Variants in ZNF324 observed in about 807,000 individuals in gnomAD.
ZNF324 encodes zinc finger protein 324A.
ZNF324 carries 3 observed loss-of-function variants against 10.3 expected under a neutral mutation model. The ratio of observed to expected loss-of-function variants is 0.29; its 90% CI spans 0.13 to 0.75. ZNF324 has a LOEUF of 0.75. Ranked by LOEUF, ZNF324 falls within the 30% of genes least tolerant of loss-of-function variation. The pLI is 0.69. For missense variants in ZNF324, 763 were observed against 784.4 expected (o/e 0.97, Z 0.33); for synonymous variants, 430 against 339.5 (o/e 1.27, Z -2.93).
intron 1 of ZNF324, among the ~76,000 whole-genome samples, chr19:58,468,793 A>AG (rs2053003245): frequency 6.6e-6 from 1 of 151,826 alleles, no homozygotes. Flanking sequence ...GGCAGAGGGG[A>AG]GGGGTCCCAG....
rs1466246481 is a variant in ZNF324 at position 58,471,209 on chromosome 19, G to A, written c.717G>A (p.Glu239=). 9.3e-6 allele frequency: 15 copies of A among 1,613,594 alleles called. No individual in the cohort carries two copies. Among genetic ancestry groups the A allele is most frequent in the African/African-American group, 6.7e-5 (5 of 74,924 alleles). The change falls in exon 4 of 4, where the codon GAG becomes GAA. Residue 239 remains glutamate, a synonymous_variant. Transcript: ENST00000196482. The stretch of plus-strand genomic sequence containing the variant: ...CTCATAGACTCCTCGGTGGCCAGGA[G>A]CCCTCGACCTGGGACGAGCTGGGCG... ...QEPHRLLGGQ[E]PSTWDELGEA...
At position 58,471,547 on chromosome 19, in the gene ZNF324, A is replaced by G; in HGVS notation, c.1055A>G (p.His352Arg). ...RCSECGKAFS[H>R]GSNLSQHRKI... ...TCCGAGTGCGGCAAGGCCTTCAGCC[A>G]CGGCTCCAACCTCAGCCAGCACCGC... The change falls in exon 4 of 4, where the codon CAC becomes CGC. Residue 352 changes from histidine to arginine, a missense_variant. Physicochemically the swap from His to Arg is conservative, Grantham distance 29. Coordinates refer to ENST00000196482, the MANE Select transcript of ZNF324 (RefSeq NM_014347.3). 6.3e-7 allele frequency: 1 copy of G among 1,580,406 alleles called. No individual in the cohort carries two copies. The highest frequency in any genetic ancestry group is 8.6e-7 in the Non-Finnish European group (1 of 1,161,182).
rs775416305 is a variant in ZNF324, at chr19:58,471,230, G to A, written c.738G>A (p.Leu246=). 2.5e-6 allele frequency: 4 copies of A among 1,613,542 alleles called. No homozygotes were observed. Among genetic ancestry groups the A allele is most frequent in the Non-Finnish European group, 3.4e-6 (4 of 1,179,962 alleles). The change falls in exon 4 of 4, where the codon CTG becomes CTA. Residue 246 remains leucine (L), a synonymous_variant. Coordinates refer to ENST00000196482, the MANE Select transcript of ZNF324 (RefSeq NM_014347.3). ...AGGAGCCCTCGACCTGGGACGAGCTGGGCGAGGCTCTTCACGCTGGGGAGA... is the reference window on the plus strand; with the variant it reads ...AGGAGCCCTCGACCTGGGACGAGCTAGGCGAGGCTCTTCACGCTGGGGAGA... ...GGQEPSTWDE[L]GEALHAGEKS...
intron 3 of ZNF324, among the ~76,000 whole-genome samples, chr19:58,470,280 T>C (rs1377861017): frequency 6.6e-6 from 1 of 151,074 alleles, no homozygotes; most frequent in Non-Finnish European, 1.5e-5. Context: ...GGGCTCATGG[T>C]GTGGTGGGAG....
chr19:58,469,085 C>G (rs1410133957), intron 1 of ZNF324, 95 bp from the exon 2 acceptor site: 1 of 1,514,530 alleles, frequency 6.6e-7, no homozygotes, highest in Non-Finnish European at 9.1e-7. Context: ...ATGTGTTGCC[C>G]AAGACAATTC....
intron 1 of ZNF324, 96 bp from the exon 2 acceptor site, chr19:58,469,084 C>T: frequency 6.6e-7 from 1 of 1,505,248 alleles, no homozygotes; most frequent in South Asian, 1.1e-5. Context: ...TATGTGTTGC[C>T]CAAGACAATT....
Position 58,472,014 on chromosome 19 carries a change from ACCGT to A in ZNF324, c.1526_1529del (p.Val509GlyfsTer55). On this transcript the variant is annotated frameshift_variant, in exon 4 of 4. Transcript: ENST00000196482. LOFTEE classifies it low-confidence loss of function (END_TRUNC). ...CCAGAGGATCCATACCGGCGAGAAG[ACCGT>A]CCGGCGATCCAGGGCCAGCCTGCAC... is the stretch of plus-strand genomic sequence containing the variant. The A allele has an allele frequency of 6.2e-7, 1 of 1,607,514 alleles. No homozygotes were observed. The highest frequency in any genetic ancestry group is 8.5e-7 in the Non-Finnish European group (1 of 1,179,706).
chr19:58,468,847 C>T (rs1476523319), intron 1 of ZNF324, among the ~76,000 whole-genome samples: 1 of 152,000 alleles, frequency 6.6e-6, no homozygotes, highest in African/African-American at 2.4e-5. Flanking sequence ...GGGCAGAACC[C>T]AGGGAAGGAG....
chr19:58,474,162 G>A lies in ZNF324; in HGVS notation c.*2008G>A, dbSNP rs1173873350. The A allele has an allele frequency of 2.0e-5, 3 of 152,358 alleles. No individual in the cohort carries two copies. The highest frequency in any genetic ancestry group is 3.9e-4 in the East Asian group (2 of 5,180). The allele number at this position is 152,358 out of a possible 1,614,324, so 9.4% of individuals were successfully genotyped here. On this transcript the variant is annotated 3_prime_UTR_variant, in exon 4 of 4. Transcript: ENST00000196482. ...AGACACACAGAACCTAGCTCCCCTG[G>A]AGCCTGCAAGACTTGGGCCACCAGA... is the stretch of plus-strand genomic sequence containing the variant.
rs748004570 is a variant in ZNF324, at chr19:58,471,353, C to T, written c.861C>T (p.Cys287=). The change falls in exon 4 of 4, where the codon TGC becomes TGT. Residue 287 remains cysteine (C), a synonymous_variant. Transcript: ENST00000196482. The part of the protein sequence containing the change: ...RTHTGERPYE[C]AQCGKAFSQT... ...ACACCGGGGAGCGGCCCTACGAGTGCGCCCAGTGCGGCAAGGCCTTCAGCC... is the reference window on the plus strand; with the variant it reads ...ACACCGGGGAGCGGCCCTACGAGTGTGCCCAGTGCGGCAAGGCCTTCAGCC... The T allele has an allele frequency of 5.6e-6, 9 of 1,613,930 alleles. No homozygotes were observed. The highest frequency in any genetic ancestry group is 2.7e-5 in the African/African-American group (2 of 74,956).
chr19:58,470,387 C>T lies in ZNF324; in HGVS notation c.239-344C>T, dbSNP rs1285779947. ...GGGAGTGGGTGCCTGAGAAGGGGGA[C>T]AGGGGCGGGGGGAAGGGGGTAAGCA... On this transcript the variant is annotated intron_variant, in intron 3 of 3. Coordinates refer to ENST00000196482, the MANE Select transcript of ZNF324 (RefSeq NM_014347.3). The T allele has an allele frequency of 2.3e-5, 8 of 347,170 alleles. 1 individual carries two copies. The highest frequency in any genetic ancestry group is 1.7e-4 in the African/African-American group (5 of 29,200). The allele number at this position is 347,170 out of a possible 1,614,324, so 21.5% of individuals were successfully genotyped here. A position where few individuals can be genotyped will look rare whatever the true frequency, so the allele number is the denominator to read the frequency against.
At chr19:58,467,533 C>G (rs1001551015) in intron 1 of ZNF324, 3 of 152,424 alleles carry the variant, frequency 2.0e-5, no homozygotes, top group African/African-American at 4.8e-5. Context: ...AGGGGAGTCC[C>G]TGCTCACACA....
Position 58,470,884 on chromosome 19 carries a change from C to G in ZNF324, c.392C>G (p.Ser131Cys). 6.2e-7 allele frequency: 1 copy of G among 1,614,226 alleles called. No homozygotes were observed. The highest frequency in any genetic ancestry group is 8.5e-7 in the Non-Finnish European group (1 of 1,180,050). The part of the protein sequence containing the change: ...SLQRQRGASP[S>C]RERKPTGVSV... ...CAGAGACAACGGGGTGCCTCCCCAT[C>G]TCGGGAGAGAAAACCCACGGGGGTG... The change falls in exon 4 of 4, where the codon TCT becomes TGT. Residue 131 changes from serine to cysteine, a missense_variant. By Grantham distance (112) the Ser-to-Cys change is moderately radical. Coordinates refer to ENST00000196482, the MANE Select transcript of ZNF324 (RefSeq NM_014347.3).
Position 58,474,968 on chromosome 19 carries a change from C to CA in ZNF324, c.*2817dup, listed in dbSNP as rs2053068590. The CA allele has an allele frequency of 6.6e-6, 1 of 152,218 alleles. No individual in the cohort carries two copies. The highest frequency in any genetic ancestry group is 1.5e-5 in the Non-Finnish European group (1 of 68,052). 9.4% of individuals were successfully genotyped at this position (152,218 alleles called of 1,614,324 possible). ...CAGCCCAGAGACGGGAGACCTATATCAAAGCTGCCTGGGGAACAACTACTG... is the reference window on the plus strand; with the variant it reads ...CAGCCCAGAGACGGGAGACCTATATCAAAAGCTGCCTGGGGAACAACTACTG... On this transcript the variant is annotated 3_prime_UTR_variant, in exon 4 of 4. Transcript: ENST00000196482.
chr19:58,472,690 A>G lies in ZNF324; in HGVS notation c.*536A>G, dbSNP rs1468473167. The G allele has an allele frequency of 6.5e-6, 1 of 153,814 alleles. No homozygotes were observed. Among genetic ancestry groups the G allele is most frequent in the Non-Finnish European group, 1.4e-5 (1 of 69,232 alleles). The allele number at this position is 153,814 out of a possible 1,614,324, so 9.5% of individuals were successfully genotyped here. ...TGGGGATCAGGGTCTGGGCTCTGTC[A>G]GCCGCCACCTCTGGGAAAGAGAAAA... is the stretch of plus-strand genomic sequence containing the variant. On this transcript the variant is annotated 3_prime_UTR_variant, in exon 4 of 4. Coordinates refer to ENST00000196482, the MANE Select transcript of ZNF324 (RefSeq NM_014347.3).
At chr19:58,469,403 T>A (rs1286217472) in intron 2 of ZNF324, 97 bp downstream of exon 2, 1 of 1,500,382 alleles carries the variant, frequency 6.7e-7, no homozygotes, top group African/African-American at 1.4e-5. Flanking sequence ...AGCAGGCCTA[T>A]ACCTTGCAGC....
Position 58,469,863 on chromosome 19 carries a change from T to C in ZNF324, c.238+19T>C. 1 of 1,583,254 alleles carries C rather than the reference T, an allele frequency of 6.3e-7. No individual in the cohort carries two copies. The highest frequency in any genetic ancestry group is 1.2e-5 in the South Asian group (1 of 86,952). On this transcript the variant is annotated intron_variant, in intron 3 of 3. Transcript: ENST00000196482. The stretch of plus-strand genomic sequence containing the variant: ...AACCCTGGTGAGAGGGAGCTCAGGG[T>C]GGGGTGAATTCAGGACCAACCTGTG...
intron 2 of ZNF324, 52 bp from the exon 3 acceptor site, chr19:58,469,676 G>T: frequency 6.9e-7 from 1 of 1,443,822 alleles, no homozygotes; most frequent in Admixed American, 2.0e-5. Context: ...CTGTTTGGAG[G>T]TGGGTTATCT....
At position 58,473,529 on chromosome 19, in the gene ZNF324, G is replaced by A. The variant is rs1289559314; in HGVS notation, c.*1375G>A. Reference sequence around the variant, plus strand: ...TGTCCCTACTCCAGAGCATGGTTCAGTCTTAATAGCAGTTCAAGAGCTTCT... The same window carrying A: ...TGTCCCTACTCCAGAGCATGGTTCAATCTTAATAGCAGTTCAAGAGCTTCT... On this transcript the variant is annotated 3_prime_UTR_variant, in exon 4 of 4. Transcript: ENST00000196482. 1 of 152,062 alleles carries A rather than the reference G, an allele frequency of 6.6e-6. No homozygotes were observed. The highest frequency in any genetic ancestry group is 1.9e-4 in the East Asian group (1 of 5,184). 9.4% of individuals were successfully genotyped at this position (152,062 alleles called of 1,614,324 possible).
Sources: allele counts gnomAD v4.1 joint callset (sites outside exome capture counted in the v4.1 genomes callset), GRCh38; gene constraint gnomAD v4.1.1; transcripts MANE v1.5; gene names NCBI Gene and HGNC (gene_info 2026-07-23, HGNC 2026-07-21).